The following DENND4C variants were observed in gnomAD, a reference collection of about 807,000 sequenced individuals.
DENND4C encodes the protein DENN domain containing 4C.
In DENND4C, 108 loss-of-function variants were observed where a neutral mutation model predicts 203.0. That is an observed-to-expected ratio of 0.53 (90% CI 0.46 to 0.62). The LOEUF (loss-of-function observed/expected upper bound fraction) is 0.62. Among genes scored for constraint, DENND4C ranks in the 20% least tolerant of loss-of-function variants. The pLI is 0.00. For synonymous variants in DENND4C, 871 were observed against 792.4 expected (o/e 1.10, Z -1.67); for missense variants, 2,481 against 2,301.2 (o/e 1.08, Z -1.60).
intron 20 of DENND4C, among the ~76,000 whole-genome samples, chr9:19,339,675 T>C (rs1254230909): frequency 6.6e-6 from 1 of 152,208 alleles, no homozygotes; most frequent in African/African-American, 2.4e-5. Context: ...AAGAACACTC[T>C]GAGACAATGT....
chr9:19,359,250 G>C (rs1200751001), intron 28 of DENND4C, among the ~76,000 whole-genome samples: 1 of 151,712 alleles, frequency 6.6e-6, no homozygotes, highest in Non-Finnish European at 1.5e-5. Context: ...GTTTAATTAA[G>C]TAATTAATTT....
At chr9:19,232,675 C>G (rs1313950361) in intron 1 of DENND4C, among the ~76,000 whole-genome samples, 4 of 152,074 alleles carry the variant, frequency 2.6e-5, no homozygotes, top group South Asian at 2.1e-4. Context: ...AGTGTGGAGA[C>G]TATTCTTAAA....
chr9:19,337,592 G>A (rs778531736), intron 20 of DENND4C: 240 of 1,263,568 alleles, frequency 1.9e-4, no homozygotes, highest in Middle Eastern at 4.4e-4. Context: ...GTCATGGTGT[G>A]GGGTGCAGAC....
chr9:19,372,162 C>T lies in DENND4C; in HGVS notation c.5866C>T (p.Pro1956Ser). 6.2e-7 allele frequency: 1 copy of T among 1,610,724 alleles called. No individual in the cohort carries two copies. Among genetic ancestry groups the T allele is most frequent in the Non-Finnish European group, 8.5e-7 (1 of 1,178,944 alleles). The change falls in exon 33 of 33, where the codon CCT (proline) becomes TCT (serine). Residue 1956 changes from proline (P) to serine (S), a missense_variant. By Grantham distance (74) the Pro-to-Ser change is moderately conservative. Coordinates refer to ENST00000434457, the MANE Select transcript of DENND4C (RefSeq NM_001330640.2). ...VEWCRKCFGA[P>S]LI ...GTGGTGCAGGAAGTGTTTTGGAGCG[C>T]CTCTCATTTAAATAGAGATTCACTA...
intron 1 of DENND4C, among the ~76,000 whole-genome samples, chr9:19,267,340 C>G (rs1476462974): frequency 2.0e-5 from 3 of 152,124 alleles, no homozygotes; most frequent in East Asian, 3.8e-4. Flanking sequence ...GCTGAATTGA[C>G]ACCCTTATTA....
chr9:19,273,391 G>T (rs1832178530), intron 1 of DENND4C, among the ~76,000 whole-genome samples: 1 of 151,966 alleles, frequency 6.6e-6, no homozygotes, highest in African/African-American at 2.4e-5. Context: ...TGGCTGACAT[G>T]ATTTCTTACG....
intron 21 of DENND4C, among the ~76,000 whole-genome samples, 197 bp downstream of exon 21, chr9:19,341,311 CTTT>C (rs5896841): frequency 1.3e-4 from 16 of 120,158 alleles, no homozygotes; most frequent in Admixed American, 1.7e-4. Flanking sequence ...TTCTTTCTTT[CTTT>C]TTTTTTTTTT....
chr9:19,256,153 T>C (rs1431853690), intron 1 of DENND4C, among the ~76,000 whole-genome samples: 4 of 151,756 alleles, frequency 2.6e-5, no homozygotes, highest in Non-Finnish European at 4.4e-5. Flanking sequence ...AGAATTTGGG[T>C]TATACAAAGT....
At position 19,346,824 on chromosome 9, in the gene DENND4C, C is replaced by G. The variant is rs372582640; in HGVS notation, c.4055C>G (p.Ser1352Cys). 1.9e-6 allele frequency: 3 copies of G among 1,614,196 alleles called. No homozygotes were observed. The highest frequency in any genetic ancestry group is 3.3e-5 in the Admixed American group (2 of 60,024). ...AAGAGCTCACCTGCAGTGTCCAGGT[C>G]TAAAACTTTTACTGGGCGTTTCAAG... ...SEKSSPAVSR[S>C]KTFTGRFKQQ... The change falls in exon 23 of 33, where the codon TCT becomes TGT. Residue 1352 changes from serine (S) to cysteine (C), a missense_variant. Physicochemically the swap from Ser to Cys is moderately radical, Grantham distance 112 (BLOSUM62 -1). Coordinates refer to ENST00000434457, the MANE Select transcript of DENND4C (RefSeq NM_001330640.2).
chr9:19,248,803 GTT>G (rs34741630), intron 1 of DENND4C, among the ~76,000 whole-genome samples: 5 of 146,952 alleles, frequency 3.4e-5, no homozygotes, highest in Non-Finnish European at 3.0e-5. Flanking sequence ...AGCACCTATG[GTT>G]TTTTTTTTTT....
In DENND4C at chr9:19,328,042, T is replaced by G. The variant is rs1387072127; in HGVS notation, c.2133T>G (p.Phe711Leu). 1.9e-6 allele frequency: 3 copies of G among 1,603,832 alleles called. No homozygotes were observed. In the African/African-American group the frequency reaches 4.0e-5, roughly 22 times the overall value. The change falls in exon 16 of 33, where the codon TTT becomes TTG. Residue 711 changes from phenylalanine to leucine, a missense_variant. By Grantham distance (22) the Phe-to-Leu change is conservative. This residue lies in a region of DENND4C where 2,289 missense variants were observed against 2,113.3 expected (regional missense o/e 1.08). Transcript: ENST00000434457. Reference protein sequence around the residue: ...DLSPKYSYKYFPRLDLKLFDR... With the variant: ...DLSPKYSYKYLPRLDLKLFDR... ...TTTTTTATTTTAGTTACAAATACTT[T>G]CCAAGACTGGACCTTAAGCTTTTTG...
At chr9:19,305,674 C>A in intron 10 of DENND4C, 147 bp downstream of exon 10, 2 of 715,692 alleles carry the variant, frequency 2.8e-6, no homozygotes, top group South Asian at 2.5e-5. Flanking sequence ...GGGCAGGTAT[C>A]AGAATCTGGG....
In DENND4C at chr9:19,276,377, C is replaced by G; in HGVS notation, c.203C>G (p.Pro68Arg). The G allele has an allele frequency of 8.1e-7, 1 of 1,232,000 alleles. No homozygotes were observed. Among genetic ancestry groups the G allele is most frequent in the Non-Finnish European group, 1.0e-6 (1 of 987,860 alleles). The allele number at this position is 1,232,000 out of a possible 1,614,324, so 76.3% of individuals were successfully genotyped here. Reference protein sequence around the residue: ...PEGYTCVEATPSALQANLNYG... With the variant: ...PEGYTCVEATRSALQANLNYG... ...GGTTACACCTGTGTAGAAGCCACTC[C>G]ATCAGCTCTCCAAGCAAACTTGAAC... Residue 68 changes from proline (P) to arginine (R), a missense_variant, in exon 2 of 33, where the codon CCA (proline) becomes CGA (arginine). Coordinates refer to ENST00000434457, the MANE Select transcript of DENND4C (RefSeq NM_001330640.2).
chr9:19,273,320 A>G (rs562791103), intron 1 of DENND4C, among the ~76,000 whole-genome samples: 1 of 152,004 alleles, frequency 6.6e-6, no homozygotes, highest in East Asian at 1.9e-4. Context: ...TCCTGACCTC[A>G]GGTGATCCAC....
At chr9:19,255,189 G>A (rs1444483101) in intron 1 of DENND4C, among the ~76,000 whole-genome samples, 2 of 152,034 alleles carry the variant, frequency 1.3e-5, no homozygotes, top group Admixed American at 1.3e-4. Flanking sequence ...GGCCACTTGA[G>A]GCCAGGAGTT....
At chr9:19,355,135 C>T (rs575791682) in intron 26 of DENND4C, among the ~76,000 whole-genome samples, 1 of 152,012 alleles carries the variant, frequency 6.6e-6, no homozygotes, top group Admixed American at 6.6e-5. Flanking sequence ...TGGTCTCGAT[C>T]TCATGACCTT....
At chr9:19,253,470 T>G (rs1260520347) in intron 1 of DENND4C, among the ~76,000 whole-genome samples, 4 of 152,260 alleles carry the variant, frequency 2.6e-5, no homozygotes, top group Admixed American at 6.5e-5. Flanking sequence ...TGAAATGATT[T>G]CAGTTTTGTA....
chr9:19,316,585 CATA>C (rs1414995840), intron 11 of DENND4C, 33 bp from the exon 12 acceptor site: 5 of 1,604,982 alleles, frequency 3.1e-6, no homozygotes, highest in Non-Finnish European at 4.3e-6. Context: ...TTAAATTTAA[CATA>C]ATACCATTTT....
chr9:19,305,310 C>A, intron 9 of DENND4C, 42 bp from the exon 10 acceptor site: 2 of 1,545,320 alleles, frequency 1.3e-6, no homozygotes, highest in Non-Finnish European at 1.8e-6. Context: ...TTTTTTATTG[C>A]AAATTTAAAA....
Sources: gnomAD v4.1 joint callset for allele counts (sites outside exome capture counted in the v4.1 genomes callset) on GRCh38, gnomAD v4.1.1 for gene constraint, gnomAD v4.1.1 regional missense constraint, MANE v1.5 for transcripts, NCBI Gene and HGNC (gene_info 2026-07-23, HGNC 2026-07-21) for gene names.